The following HFM1 variants were observed in gnomAD, a reference collection of about 807,000 sequenced individuals.
The protein encoded by HFM1 is probable ATP-dependent DNA helicase HFM1.
Under a neutral mutation model 192.1 loss-of-function variants are expected in HFM1, and 169 were observed. The ratio of observed to expected loss-of-function variants is 0.88; its 90% CI spans 0.78 to 1.00. The LOEUF is 1.00. Ranked by LOEUF, HFM1 falls within the 50% of genes least tolerant of loss-of-function variation. The probability of loss-of-function intolerance (pLI) is 0.00; values close to 1 mark genes in which losing one functional copy is unlikely to be tolerated. For synonymous variants in HFM1, 525 were observed against 537.8 expected (o/e 0.98, Z 0.33); for missense variants, 1,661 against 1,668.0 (o/e 1.00, Z 0.07).
chr1:91,405,670 T>C (rs1303447268), upstream of HFM1, among the ~76,000 whole-genome samples: 2 of 152,200 alleles, frequency 1.3e-5, no homozygotes, highest in Non-Finnish European at 1.5e-5. Context: ...TAGATACTGC[T>C]GCAAGGGTTA....
chr1:91,374,248 G>A (rs539499275), intron 13 of HFM1, among the ~76,000 whole-genome samples: 2 of 151,920 alleles, frequency 1.3e-5, no homozygotes, highest in East Asian at 3.9e-4. Flanking sequence ...TGGAGAATTG[G>A]CTAGGCATCA....
At chr1:91,383,301 G>A (rs144928359) in intron 6 of HFM1, among the ~76,000 whole-genome samples, 20 of 152,244 alleles carry the variant, frequency 1.3e-4, no homozygotes, top group African/African-American at 4.6e-4. Flanking sequence ...ATCAGCCATC[G>A]TACAGATAAT....
At chr1:91,271,008 G>C (rs1230678688) in intron 34 of HFM1, among the ~76,000 whole-genome samples, 1 of 152,048 alleles carries the variant, frequency 6.6e-6, no homozygotes, top group Non-Finnish European at 1.5e-5. Flanking sequence ...CCTTCTTTTA[G>C]TGGGAGTACC....
At chr1:91,282,059 A>G (rs573247933) in intron 30 of HFM1, among the ~76,000 whole-genome samples, 3 of 152,316 alleles carry the variant, frequency 2.0e-5, no homozygotes, top group Admixed American at 2.0e-4. Flanking sequence ...CATTCATCCT[A>G]ACTAGCATTA....
rs1245882982 is a variant in HFM1 at position 91,323,203 on chromosome 1, T to C, written c.2428-4A>G. On this transcript the variant is annotated splice_polypyrimidine_tract_variant and splice_region_variant and intron_variant, in intron 21 of 38. Transcript: ENST00000370425. ...TGCAGCCAGCTATCAATGTAACCTA[T>C]AACATTTCAGTAGTTGTCCATTTAA... is the stretch of plus-strand genomic sequence containing the variant. 2 of 1,424,224 alleles carry C rather than the reference T, an allele frequency of 1.4e-6. No individual in the cohort carries two copies. Among genetic ancestry groups the C allele is most frequent in the Non-Finnish European group, 2.0e-6 (2 of 1,017,172 alleles). 88.2% of individuals were successfully genotyped at this position (1,424,224 alleles called of 1,614,324 possible).
At chr1:91,372,448 G>A (rs1000703812) in intron 13 of HFM1, among the ~76,000 whole-genome samples, 1 of 152,198 alleles carries the variant, frequency 6.6e-6, no homozygotes, top group Admixed American at 6.5e-5. Context: ...GGACATGGAT[G>A]AACCTGGAAA....
Position 91,365,207 on chromosome 1 carries a change from C to T in HFM1, c.1685+10151G>A, listed in dbSNP as rs189052718. 7.9e-5 allele frequency among the ~76,000 whole-genome samples: 12 copies of T among 151,746 alleles called. No homozygotes were observed. In the East Asian group the frequency reaches 9.7e-4, roughly 12 times the overall value. On this transcript the variant is annotated intron_variant, in intron 13 of 38. Coordinates refer to ENST00000370425, the MANE Select transcript of HFM1 (RefSeq NM_001017975.6). Reference sequence around the variant, plus strand: ...TTATCAGAGGCAGGAAGGGTGGGAACGGGGGAAGAAATGGGGAGATGTAGG... The same window carrying T: ...TTATCAGAGGCAGGAAGGGTGGGAATGGGGGAAGAAATGGGGAGATGTAGG...
chr1:91,360,230 C>G (rs1658313726), intron 13 of HFM1, among the ~76,000 whole-genome samples: 1 of 152,056 alleles, frequency 6.6e-6, no homozygotes, highest in African/African-American at 2.4e-5. Flanking sequence ...GCTAAATGCC[C>G]CAATTAAAAG....
intron 4 of HFM1, among the ~76,000 whole-genome samples, chr1:91,393,035 C>T (rs866040280): frequency 8.6e-5 from 13 of 151,946 alleles, no homozygotes; most frequent in Middle Eastern, 6.8e-3. Flanking sequence ...TAAAAACCAA[C>T]GTGGGTAAAT....
At chr1:91,381,898 C>T (rs750114784) in intron 6 of HFM1, among the ~76,000 whole-genome samples, 16 of 152,114 alleles carry the variant, frequency 1.1e-4, no homozygotes, top group Non-Finnish European at 2.4e-4. Context: ...CCTGTTTAAA[C>T]TTACATCATA....
intron 36 of HFM1, among the ~76,000 whole-genome samples, chr1:91,262,823 G>A (rs1343502465): frequency 6.6e-6 from 1 of 152,034 alleles, no homozygotes; most frequent in Non-Finnish European, 1.5e-5. Context: ...AGGGACTATA[G>A]AAATAATTAT....
chr1:91,269,207 T>C (rs942422293), intron 34 of HFM1, among the ~76,000 whole-genome samples: 1 of 152,054 alleles, frequency 6.6e-6, no homozygotes, highest in Non-Finnish European at 1.5e-5. Context: ...AATAAGAAGT[T>C]GGGAAAAAAT....
At chr1:91,316,829 T>C (rs1288770077) in intron 25 of HFM1, among the ~76,000 whole-genome samples, 1 of 152,216 alleles carries the variant, frequency 6.6e-6, no homozygotes, top group Non-Finnish European at 1.5e-5. Context: ...TCAAGGATCA[T>C]GCTTGAATGA....
At chr1:91,369,176 A>T (rs904454989) in intron 13 of HFM1, among the ~76,000 whole-genome samples, 1 of 152,196 alleles carries the variant, frequency 6.6e-6, no homozygotes, top group Non-Finnish European at 1.5e-5. Flanking sequence ...CACTGTCAAC[A>T]TTAGACAGAT....
chr1:91,325,174 G>A (rs1557852839), intron 20 of HFM1, among the ~76,000 whole-genome samples: 1 of 152,202 alleles, frequency 6.6e-6, no homozygotes. Flanking sequence ...TGACAGAAGA[G>A]CCCTTGGGCT....
At chr1:91,367,058 GGAGGGGCACCCGCCATTGCC>G (rs961627978) in intron 13 of HFM1, among the ~76,000 whole-genome samples, 3 of 152,210 alleles carry the variant, frequency 2.0e-5, no homozygotes, top group Non-Finnish European at 2.9e-5. Context: ...TGAGGCTGGG[GGAGGGGCACCCGCCATTGCC>G]GAGGCTTGAG....
intron 13 of HFM1, among the ~76,000 whole-genome samples, chr1:91,370,227 C>T (rs1659979830): frequency 6.6e-6 from 1 of 152,138 alleles, no homozygotes; most frequent in African/African-American, 2.4e-5. Context: ...GGAATCCTCC[C>T]TAACGCATTT....
intron 20 of HFM1, among the ~76,000 whole-genome samples, chr1:91,331,466 G>A (rs762484552): frequency 6.7e-6 from 1 of 149,368 alleles, no homozygotes; most frequent in Non-Finnish European, 1.5e-5. Context: ...AAATTGAAGA[G>A]GACACCAAAA....
At chr1:91,303,962 C>G (rs1350171391) in intron 30 of HFM1, among the ~76,000 whole-genome samples, 3 of 152,130 alleles carry the variant, frequency 2.0e-5, no homozygotes, top group Admixed American at 6.5e-5. Flanking sequence ...TCTTCCACCT[C>G]ACCTTCCACT....
Sources: gnomAD v4.1 joint callset for allele counts (sites outside exome capture counted in the v4.1 genomes callset) on GRCh38, gnomAD v4.1.1 for gene constraint, MANE v1.5 for transcripts, NCBI Gene and HGNC (gene_info 2026-07-23, HGNC 2026-07-21) for gene names.